The following SLC5A10 variants were observed in gnomAD, a reference collection of about 807,000 sequenced individuals.
SLC5A10 encodes the protein solute carrier family 5 member 10.
A neutral mutation model predicts 68.9 loss-of-function variants in SLC5A10; 55 were observed. The observed-to-expected ratio is 0.80, with a 90% confidence interval of 0.64 to 1.00. The LOEUF is 1.00. Ranked by LOEUF, SLC5A10 falls within the 50% of genes least tolerant of loss-of-function variation. The probability of loss-of-function intolerance (pLI) is 0.00; values close to 1 mark genes in which losing one functional copy is unlikely to be tolerated. For missense variants in SLC5A10, 732 were observed against 819.3 expected, an observed-to-expected ratio of 0.89 and a Z score of 1.30; for synonymous variants, 344 against 344.8, an observed-to-expected ratio of 1.00 and a Z score of 0.02.
chr17:18,993,459 G>A (rs541096593), intron 9 of SLC5A10, among the ~76,000 whole-genome samples: 31 of 152,300 alleles, frequency 2.0e-4, no homozygotes, highest in African/African-American at 6.5e-4. Context: ...CAACCTGCAC[G>A]TGACAAGCCT....
Position 18,955,295 on chromosome 17 carries a change from G to A in SLC5A10, c.111+2979G>A, listed in dbSNP as rs79525569. Among the ~76,000 whole-genome samples, 1,310 of 152,156 alleles carry A rather than the reference G, an allele frequency of 8.6e-3. 22 individuals carry two copies. The highest frequency in any genetic ancestry group is 0.029 in the African/African-American group (1,222 of 41,504). ...CCTGATGTGAAATGACCAGCCCTGC[G>A]ATTGAGCCTGAGTTGAAATCCAGGC... On this transcript the variant is annotated intron_variant, in intron 1 of 14. Transcript: ENST00000395645.
chr17:18,993,679 CCACCT>C (rs1304911591), intron 9 of SLC5A10, among the ~76,000 whole-genome samples: 4 of 152,186 alleles, frequency 2.6e-5, no homozygotes, highest in Non-Finnish European at 5.9e-5. Context: ...CCTCACTTTC[CCACCT>C]GAGAAGTGCC....
chr17:18,964,389 AGGCATGACTG>A (rs1259223469), intron 5 of SLC5A10, among the ~76,000 whole-genome samples: 1 of 152,262 alleles, frequency 6.6e-6, no homozygotes, highest in African/African-American at 2.4e-5. Flanking sequence ...CAATACCATA[AGGCATGACTG>A]GGCCTGGCCT....
At chr17:18,988,135 T>G (rs1222004763) in intron 9 of SLC5A10, 2 of 1,471,304 alleles carry the variant, frequency 1.4e-6, no homozygotes, top group African/African-American at 2.8e-5. Context: ...TACTGGACTC[T>G]GAGTGCCTGG....
Position 19,017,464 on chromosome 17 carries a change from C to A in SLC5A10, c.1242-1959C>A. The A allele has an allele frequency of 7.0e-7, 1 of 1,434,204 alleles. No individual in the cohort carries two copies. Among genetic ancestry groups the A allele is most frequent in the Non-Finnish European group, 9.6e-7 (1 of 1,041,332 alleles). The allele number at this position is 1,434,204 out of a possible 1,614,324, so 88.8% of individuals were successfully genotyped here. On this transcript the variant is annotated intron_variant, in intron 11 of 14. Transcript: ENST00000395645. The surrounding 1 kb of genome is among the most constrained non-coding windows in gnomAD (Gnocchi z 5.6). The stretch of plus-strand genomic sequence containing the variant: ...GGCTTACAGAGAGAAGACCAACAGC[C>A]CAGAGGCCTGGAGAGGAGGCCATCG...
chr17:18,985,327 GT>G (rs1342709047), intron 9 of SLC5A10, among the ~76,000 whole-genome samples: 2 of 152,184 alleles, frequency 1.3e-5, no homozygotes, highest in Non-Finnish European at 2.9e-5. Context: ...TCTGCCCAAG[GT>G]TACCATGCAG....
upstream of SLC5A10, chr17:18,951,897 G>C: frequency 2.9e-6 from 1 of 347,446 alleles, no homozygotes; most frequent in Non-Finnish European, 5.3e-6. Context: ...GGCTGCCTCC[G>C]GGTCCACTAA....
At chr17:18,988,827 T>C (rs1347470040) in intron 9 of SLC5A10, among the ~76,000 whole-genome samples, 1 of 152,216 alleles carries the variant, frequency 6.6e-6, no homozygotes, top group African/African-American at 2.4e-5. Context: ...GATCTCTTCC[T>C]GTCAGCTGAC....
In SLC5A10 at chr17:19,016,041, T is replaced by C. The variant is rs148839349; in HGVS notation, c.1241+842T>C. Among the ~76,000 whole-genome samples the C allele has an allele frequency of 8.5e-3, 1,297 of 152,108 alleles. 23 individuals are homozygous for C. The highest frequency in any genetic ancestry group is 0.03 in the African/African-American group (1,251 of 41,498). ...GTTTCCCCTGAGTCCTCAAAGTCCATTGTATCATTCTTTTTTTTTTTTTTG... is the reference window on the plus strand; with the variant it reads ...GTTTCCCCTGAGTCCTCAAAGTCCACTGTATCATTCTTTTTTTTTTTTTTG... On this transcript the variant is annotated intron_variant, in intron 11 of 14. Coordinates refer to ENST00000395645, the MANE Select transcript of SLC5A10 (RefSeq NM_001042450.4).
intron 1 of SLC5A10, among the ~76,000 whole-genome samples, chr17:18,956,293 C>T (rs2042499101): frequency 6.6e-6 from 1 of 151,602 alleles, no homozygotes; most frequent in African/African-American, 2.4e-5. Context: ...GCCTAATCAT[C>T]CTGAGTATAG....
intron 9 of SLC5A10, among the ~76,000 whole-genome samples, chr17:18,980,891 C>T (rs2043113872): frequency 6.6e-6 from 1 of 152,180 alleles, no homozygotes; most frequent in African/African-American, 2.4e-5. Context: ...CCTGACTGGT[C>T]TGCCTGCATG....
rs766605517 is a variant in SLC5A10 at position 18,960,605 on chromosome 17, T to A, written c.406T>A (p.Tyr136Asn). The A allele has an allele frequency of 1.2e-6, 2 of 1,614,168 alleles. No individual in the cohort carries two copies. Among genetic ancestry groups the A allele is most frequent in the Non-Finnish European group, 1.7e-6 (2 of 1,180,006 alleles). ...CTACGGGGGCCAGCGGATCCGCATGTACCTGTCTGTCCTGTCCCTGCTACT... is the reference window on the plus strand; with the variant it reads ...CTACGGGGGCCAGCGGATCCGCATGAACCTGTCTGTCCTGTCCCTGCTACT... ...KRYGGQRIRM[Y>N]LSVLSLLLSV... The change falls in exon 5 of 15, where the codon TAC (tyrosine) becomes AAC (asparagine). Residue 136 changes from tyrosine (Y) to asparagine (N), a missense_variant. Coordinates refer to ENST00000395645, the MANE Select transcript of SLC5A10 (RefSeq NM_001042450.4).
Position 18,971,298 on chromosome 17 carries a change from C to G in SLC5A10, c.846+80C>G. On this transcript the variant is annotated intron_variant, in intron 8 of 14. Coordinates refer to ENST00000395645, the MANE Select transcript of SLC5A10 (RefSeq NM_001042450.4). The surrounding 1 kb of genome is among the most constrained non-coding windows in gnomAD (Gnocchi z 5.5). ...GGTAGGCCCAGGCGGCCTGTCTGCC[C>G]TCCGCGTCATGAGTCTGGGCTGGGG... 1 of 1,608,782 alleles carries G rather than the reference C, an allele frequency of 6.2e-7. No homozygotes were observed. Among genetic ancestry groups the G allele is most frequent in the East Asian group, 2.2e-5 (1 of 44,776 alleles).
chr17:18,966,030 G>A (rs770994183), intron 5 of SLC5A10, among the ~76,000 whole-genome samples: 21 of 152,316 alleles, frequency 1.4e-4, no homozygotes, highest in Non-Finnish European at 2.8e-4. Context: ...TGGCACACAC[G>A]CACATTTGTC....
At chr17:18,963,661 G>A (rs568647462) in intron 5 of SLC5A10, among the ~76,000 whole-genome samples, 40 of 152,338 alleles carry the variant, frequency 2.6e-4, no homozygotes, top group African/African-American at 7.7e-4. Flanking sequence ...TCCAGCACCC[G>A]TCCCAGCCAC....
At chr17:18,965,949 A>T (rs900123803) in intron 5 of SLC5A10, among the ~76,000 whole-genome samples, 2 of 152,160 alleles carry the variant, frequency 1.3e-5, no homozygotes, top group Non-Finnish European at 2.9e-5. Flanking sequence ...AGTGGAGTGG[A>T]TTACCACACC....
intron 8 of SLC5A10, among the ~76,000 whole-genome samples, chr17:18,975,302 T>A (rs1426511105): frequency 6.6e-6 from 1 of 152,186 alleles, no homozygotes; most frequent in Non-Finnish European, 1.5e-5. Context: ...CAGGCATTCC[T>A]AGCCTCTGTA....
chr17:19,010,304 C>A (rs772535368), intron 9 of SLC5A10, among the ~76,000 whole-genome samples: 62 of 152,100 alleles, frequency 4.1e-4, no homozygotes, highest in Admixed American at 1.2e-3. Flanking sequence ...AGGGGCAACC[C>A]CTGGCTTCTG....
intron 9 of SLC5A10, chr17:18,988,509 C>T: frequency 6.4e-7 from 1 of 1,557,936 alleles, no homozygotes; most frequent in Non-Finnish European, 8.7e-7. Context: ...TGCCACCAGC[C>T]TCTCACAGGT....
Sources: gnomAD v4.1 joint callset for allele counts (sites outside exome capture counted in the v4.1 genomes callset) on GRCh38, gnomAD v4.1.1 for gene constraint, Gnocchi (gnomAD v3.1) non-coding constraint, MANE v1.5 for transcripts, NCBI Gene and HGNC (gene_info 2026-07-23, HGNC 2026-07-21) for gene names.